MFSD1: variants seen among roughly 807,000 people sequenced by gnomAD.
MFSD1 encodes major facilitator superfamily domain containing 1.
Under a neutral mutation model 67.1 loss-of-function variants are expected in MFSD1, and 59 were observed. The observed-to-expected ratio is 0.88, with a 90% CI of 0.71 to 1.09. MFSD1 has a LOEUF of 1.09. Ranked by LOEUF, MFSD1 falls within the 50% of genes least tolerant of loss-of-function variation. MFSD1 has a pLI of 0.00. For missense variants in MFSD1, 552 were observed against 566.1 expected (o/e 0.97, Z 0.25); for synonymous variants, 213 against 200.3 (o/e 1.06, Z -0.54).
intron 1 of MFSD1, 33 bp downstream of exon 1, chr3:158,802,348 T>C (rs998966921): frequency 6.2e-7 from 1 of 1,609,490 alleles, no homozygotes; most frequent in African/African-American, 1.3e-5. Context: ...GGCTGATCTT[T>C]AAGGAATTCC....
intron 11 of MFSD1, 28 bp from the exon 12 acceptor site, chr3:158,823,398 CTG>C: frequency 6.9e-7 from 1 of 1,445,180 alleles, no homozygotes; most frequent in Non-Finnish European, 9.7e-7. Flanking sequence ...TAATGTAAGA[CTG>C]TGACCTTTTC....
At chr3:158,822,721 A>C (rs1216827458) in intron 11 of MFSD1, 1 of 153,976 alleles carries the variant, frequency 6.5e-6, no homozygotes, top group African/African-American at 2.4e-5. Context: ...ACAGACTCCT[A>C]GAAGTAGAGA....
chr3:158,815,356 CTTT>C (rs58754327), intron 7 of MFSD1, among the ~76,000 whole-genome samples: 3 of 134,320 alleles, frequency 2.2e-5, no homozygotes, highest in Non-Finnish European at 3.1e-5. Flanking sequence ...CTTGTAGTGT[CTTT>C]TTTTTTTTTT....
chr3:158,810,150 G>A (rs529662166), intron 6 of MFSD1, among the ~76,000 whole-genome samples: 1 of 152,270 alleles, frequency 6.6e-6, no homozygotes, highest in African/African-American at 2.4e-5. Flanking sequence ...TCAGCCTATA[G>A]AATAGTGAGA....
chr3:158,819,592 C>A, intron 7 of MFSD1, 57 bp from the exon 8 acceptor site: 1 of 1,004,364 alleles, frequency 1.0e-6, no homozygotes, highest in Non-Finnish European at 1.5e-6. Flanking sequence ...CCTTAGGAAC[C>A]TTCTGTTTGG....
intron 7 of MFSD1, among the ~76,000 whole-genome samples, chr3:158,817,702 C>A (rs900488650): frequency 2.6e-5 from 4 of 152,130 alleles, no homozygotes; most frequent in African/African-American, 4.8e-5. Flanking sequence ...TCAATGCCAT[C>A]CCCATCAAGC....
At chr3:158,807,014 A>G (rs766038488) in intron 3 of MFSD1, 26 bp from the exon 4 acceptor site, 1 of 1,582,946 alleles carries the variant, frequency 6.3e-7, no homozygotes, top group Non-Finnish European at 8.6e-7. Flanking sequence ...TCTTTTTCTC[A>G]TTCTCATTCT....
intron 7 of MFSD1, 73 bp from the exon 8 acceptor site, chr3:158,819,576 A>C (rs1457631274): frequency 2.4e-5 from 19 of 797,344 alleles, no homozygotes; most frequent in Non-Finnish European, 3.3e-5. Context: ...TATGTAATGT[A>C]CTTCTCCTTA....
Position 158,816,042 on chromosome 3 carries a change from C to G in MFSD1, c.652+1975C>G, listed in dbSNP as rs924104089. 1.2e-3 allele frequency among the ~76,000 whole-genome samples: 176 copies of G among 152,144 alleles called. 1 individual carries two copies. In the East Asian group the frequency reaches 0.016, roughly 14 times the overall value. ...TGTATATGTGCCACATTTTCTTAAT[C>G]CAGTCTATCATTGTTGGACATTTGG... On this transcript the variant is annotated intron_variant, in intron 7 of 15. Coordinates refer to ENST00000415822, the MANE Select transcript of MFSD1 (RefSeq NM_022736.4).
In MFSD1 at chr3:158,805,396, T is replaced by C; in HGVS notation, c.251T>C (p.Leu84Pro). ...GTGAATACCACGAAATTCATGCTGC[T>C]GTATGCCTGGTATTCTTGGCCCAAT... ...MQVNTTKFML[L>P]YAWYSWPNVV... Residue 84 changes from leucine to proline, a missense_variant, in exon 3 of 16, where the codon CTG (leucine) becomes CCG (proline). Leu to Pro is a moderately conservative substitution (Grantham distance 98). Coordinates refer to ENST00000415822, the MANE Select transcript of MFSD1 (RefSeq NM_022736.4). 6.2e-7 allele frequency: 1 copy of C among 1,614,142 alleles called. No homozygotes were observed. Among genetic ancestry groups the C allele is most frequent in the Non-Finnish European group, 8.5e-7 (1 of 1,179,966 alleles).
At chr3:158,808,340 G>T (rs889782704) in intron 5 of MFSD1, among the ~76,000 whole-genome samples, 4 of 152,176 alleles carry the variant, frequency 2.6e-5, no homozygotes, top group African/African-American at 9.7e-5. Context: ...TCGGTGTAAG[G>T]ATATGGAGGA....
chr3:158,815,131 C>T (rs1461823964), intron 7 of MFSD1, among the ~76,000 whole-genome samples: 3 of 152,146 alleles, frequency 2.0e-5, no homozygotes, highest in Non-Finnish European at 4.4e-5. Context: ...AACAAAACGT[C>T]CATAGCATAA....
At chr3:158,827,203 C>CATGT (rs1559926043) in intron 14 of MFSD1, 77 bp from the exon 15 acceptor site, 4 of 826,386 alleles carry the variant, frequency 4.8e-6, no homozygotes, top group Non-Finnish European at 5.8e-6. Flanking sequence ...CAAATGGTTG[C>CATGT]ATGTATGTAT....
chr3:158,827,271 G>C lies in MFSD1; in HGVS notation c.1337-9G>C, dbSNP rs547662806. 1.6e-5 allele frequency: 25 copies of C among 1,529,202 alleles called. No homozygotes were observed. In the South Asian group the frequency reaches 2.5e-4, roughly 15 times the overall value. 94.7% of individuals were successfully genotyped at this position (1,529,202 alleles called of 1,614,324 possible). A position where few individuals can be genotyped will look rare whatever the true frequency, so the allele number is the denominator to read the frequency against. ...ATATGGAAAAGATCTATGTTTATTT[G>C]TGTTTTAGGTGGGAACCTAAATTAT... On this transcript the variant is annotated splice_polypyrimidine_tract_variant and intron_variant, in intron 14 of 15. Coordinates refer to ENST00000415822, the MANE Select transcript of MFSD1 (RefSeq NM_022736.4).
intron 11 of MFSD1, 152 bp from the exon 12 acceptor site, chr3:158,823,276 A>G (rs1218666619): frequency 1.6e-6 from 1 of 634,934 alleles, no homozygotes; most frequent in Non-Finnish European, 2.9e-6. Flanking sequence ...CTTGTTTTGT[A>G]TATTTTGAAT....
intron 5 of MFSD1, among the ~76,000 whole-genome samples, chr3:158,808,814 C>T (rs1729855550): frequency 6.6e-6 from 1 of 152,238 alleles, no homozygotes; most frequent in Non-Finnish European, 1.5e-5. Context: ...TATTGACTCA[C>T]ATGTTTGGCA....
rs1373580862 is a variant in MFSD1, at chr3:158,802,404, C to T, written c.163+89C>T. On this transcript the variant is annotated intron_variant, in intron 1 of 15. Transcript: ENST00000415822. The stretch of plus-strand genomic sequence containing the variant: ...ATCGTCATCGTGGTCACTGGTGCCA[C>T]GGGGCCTCAGCGCAGCTTCTGTCTT... The T allele has an allele frequency of 4.1e-6, 6 of 1,460,706 alleles. No individual in the cohort carries two copies. In the East Asian group the frequency reaches 9.2e-5, roughly 22 times the overall value. 90.5% of individuals were successfully genotyped at this position (1,460,706 alleles called of 1,614,324 possible). A position where few individuals can be genotyped will look rare whatever the true frequency, so the allele number is the denominator to read the frequency against.
At chr3:158,827,972 G>GAGAGAGAGAGAGAGAGAGAGAC (rs1731093518) in intron 15 of MFSD1, among the ~76,000 whole-genome samples, 2 of 136,348 alleles carry the variant, frequency 1.5e-5, no homozygotes, top group Non-Finnish European at 1.6e-5. Context: ...GAGAGAGAGA[G>GAGAGAGAGAGAGAGAGAGAGAC]AGAGAGACAG....
chr3:158,803,446 A>G (rs965248188), intron 1 of MFSD1, among the ~76,000 whole-genome samples: 2 of 152,126 alleles, frequency 1.3e-5, no homozygotes, highest in East Asian at 1.9e-4. Flanking sequence ...AGCAGGGTTT[A>G]GAAACAACCA....
Sources: gnomAD v4.1 joint callset for allele counts (sites outside exome capture counted in the v4.1 genomes callset) on GRCh38, gnomAD v4.1.1 for gene constraint, MANE v1.5 for transcripts, NCBI Gene and HGNC (gene_info 2026-07-23, HGNC 2026-07-21) for gene names.